OR2B6: variants seen among roughly 807,000 people sequenced by gnomAD.
OR2B6 encodes the protein olfactory receptor 2B6.
For synonymous variants in OR2B6, 130 were observed against 142.7 expected (o/e 0.91, Z 0.63); for missense variants, 350 against 368.9 (o/e 0.95, Z 0.42).
At position 27,958,056 on chromosome 6, in the gene OR2B6, G is replaced by T. The variant is rs369732488; in HGVS notation, c.816G>T (p.Lys272Asn). The change falls in exon 1 of 1, where the codon AAG becomes AAT. Residue 272 changes from lysine (K) to asparagine (N), a missense_variant. Coordinates refer to ENST00000244623, the MANE Select transcript of OR2B6 (RefSeq NM_012367.1). Reference protein sequence around the residue: ...PPSPSSKDQGKMVSLFYGIIA... With the variant: ...PPSPSSKDQGNMVSLFYGIIA... Reference sequence around the variant, plus strand: ...CGCCCAGCTCCAAGGACCAAGGAAAGATGGTTTCTCTCTTCTATGGAATCA... The same window carrying T: ...CGCCCAGCTCCAAGGACCAAGGAAATATGGTTTCTCTCTTCTATGGAATCA... The T allele has an allele frequency of 1.3e-5, 21 of 1,613,912 alleles. No homozygotes were observed. The African/African-American group carries it at 2.1e-4, about 16-fold the overall frequency.
chr6:27,958,015 T>C lies in OR2B6; in HGVS notation c.775T>C (p.Tyr259His), dbSNP rs764427650. ...TTTTTATAGTACAGCCGTCTCTGTG[T>C]ACCTGCAACCACCTTCGCCCAGCTC... ...SLFYSTAVSVYLQPPSPSSKD... is the reference protein window; with the variant it reads ...SLFYSTAVSVHLQPPSPSSKD... Residue 259 changes from tyrosine (Y) to histidine (H), a missense_variant, in exon 1 of 1, where the codon TAC becomes CAC. By Grantham distance (83) the Tyr-to-His change is moderately conservative. Coordinates refer to ENST00000244623, the MANE Select transcript of OR2B6 (RefSeq NM_012367.1). The C allele has an allele frequency of 3.3e-5, 54 of 1,613,924 alleles. No individual in the cohort carries two copies. Among genetic ancestry groups the C allele is most frequent in the Non-Finnish European group, 4.5e-5 (53 of 1,179,962 alleles).
rs776516996 is a variant in OR2B6, at chr6:27,958,106, T to C, written c.866T>C (p.Ile289Thr). The change falls in exon 1 of 1, where the codon ATA becomes ACA. Residue 289 changes from isoleucine (I) to threonine (T), a missense_variant. Coordinates refer to ENST00000244623, the MANE Select transcript of OR2B6 (RefSeq NM_012367.1). ...GIIAPMLNPLIYTLRNKEVKE... is the reference protein window; with the variant it reads ...GIIAPMLNPLTYTLRNKEVKE... ...ATTGCACCCATGCTGAATCCCCTTA[T>C]ATATACACTTAGGAACAAGGAGGTA... 1 of 1,614,028 alleles carries C rather than the reference T, an allele frequency of 6.2e-7. No homozygotes were observed. The highest frequency in any genetic ancestry group is 8.5e-7 in the Non-Finnish European group (1 of 1,179,906).
rs1561770181 is a variant in OR2B6 at position 27,957,994 on chromosome 6, TA to T, written c.755del (p.Tyr252LeufsTer34). The T allele has an allele frequency of 1.2e-6, 2 of 1,613,950 alleles. No homozygotes were observed. Among genetic ancestry groups the T allele is most frequent in the Non-Finnish European group, 1.7e-6 (2 of 1,179,948 alleles). ...CCATCTAATTGTGGTGTCTCTTTTT[TA>T]TAGTACAGCCGTCTCTGTGTACCTG... ...GSHLIVVSLF[Y>X]STAVSVYLQP... On this transcript the variant is annotated frameshift_variant, in exon 1 of 1. Coordinates refer to ENST00000244623, the MANE Select transcript of OR2B6 (RefSeq NM_012367.1). LOFTEE classifies it low-confidence loss of function (END_TRUNC).
Position 27,957,865 on chromosome 6 carries a change from A to C in OR2B6, c.625A>C (p.Ile209Leu). ...CCTTGTCAGTGAGCTCTTCCATCTA[A>C]TACCCCTGACACTCATCCTTATATC... ...LFLVSELFHL[I>L]PLTLILISYA... Residue 209 changes from isoleucine to leucine, a missense_variant, in exon 1 of 1, where the codon ATA becomes CTA. Coordinates refer to ENST00000244623, the MANE Select transcript of OR2B6 (RefSeq NM_012367.1). The C allele has an allele frequency of 1.2e-6, 2 of 1,614,084 alleles. No individual in the cohort carries two copies. The highest frequency in any genetic ancestry group is 1.7e-6 in the Non-Finnish European group (2 of 1,179,992).
In OR2B6 at chr6:27,957,432, C is replaced by A; in HGVS notation, c.192C>A (p.Thr64=). The A allele has an allele frequency of 2.5e-6, 4 of 1,613,986 alleles. No homozygotes were observed. Among genetic ancestry groups the A allele is most frequent in the Non-Finnish European group, 3.4e-6 (4 of 1,179,952 alleles). ...KLHTPMYFFL[T]NLSLLDLCYT... is the part of the protein sequence containing the mutation. ...ATACCCCCATGTATTTTTTTCTTAC[C>A]AATCTATCACTCCTGGATCTTTGTT... is the stretch of plus-strand genomic sequence containing the variant. The change falls in exon 1 of 1, where the codon ACC becomes ACA. Residue 64 remains threonine, a synonymous_variant. Transcript: ENST00000244623.
rs1762770372 is a variant in OR2B6 at position 27,958,080 on chromosome 6, C to T, written c.840C>T (p.Ile280=). The change falls in exon 1 of 1, where the codon ATC becomes ATT. Residue 280 remains isoleucine (I), a synonymous_variant. Transcript: ENST00000244623. ...AGATGGTTTCTCTCTTCTATGGAAT[C>T]ATTGCACCCATGCTGAATCCCCTTA... ...QGKMVSLFYG[I]IAPMLNPLIY... is the part of the protein sequence containing the mutation. 1 of 1,613,910 alleles carries T rather than the reference C, an allele frequency of 6.2e-7. No homozygotes were observed. Among genetic ancestry groups the T allele is most frequent in the African/African-American group, 1.3e-5 (1 of 74,902 alleles).
Position 27,957,565 on chromosome 6 carries a change from G to T in OR2B6, c.325G>T (p.Ala109Ser). The T allele has an allele frequency of 1.2e-6, 2 of 1,614,026 alleles. No homozygotes were observed. Among genetic ancestry groups the T allele is most frequent in the Non-Finnish European group, 1.7e-6 (2 of 1,179,992 alleles). Residue 109 changes from alanine to serine, a missense_variant, in exon 1 of 1, where the codon GCT (alanine) becomes TCT (serine). By Grantham distance (99) the Ala-to-Ser change is moderately conservative. Coordinates refer to ENST00000244623, the MANE Select transcript of OR2B6 (RefSeq NM_012367.1). ...GCTTTTCATATTTCTGGCCTTGGGG[G>T]CTACTGAATATCTTCTCCTGGCCGT... is the stretch of plus-strand genomic sequence containing the variant. ...AQLFIFLALG[A>S]TEYLLLAVMS...
Position 27,957,677 on chromosome 6 carries a change from C to A in OR2B6, c.437C>A (p.Ala146Asp), listed in dbSNP as rs781475192. The A allele has an allele frequency of 2.8e-5, 45 of 1,613,952 alleles. No individual in the cohort carries two copies. The South Asian group carries it at 4.6e-4, about 17-fold the overall frequency. ...CAGAGACTCTGCCTCCAGTTGGCAGCTGCATCCTGGGTTACTGGTTTTAGT... is the reference window on the plus strand; with the variant it reads ...CAGAGACTCTGCCTCCAGTTGGCAGATGCATCCTGGGTTACTGGTTTTAGT... ...MHQRLCLQLA[A>D]ASWVTGFSNS... The change falls in exon 1 of 1, where the codon GCT becomes GAT. Residue 146 changes from alanine (A) to aspartate (D), a missense_variant. Coordinates refer to ENST00000244623, the MANE Select transcript of OR2B6 (RefSeq NM_012367.1).
chr6:27,958,102 C>T lies in OR2B6; in HGVS notation c.862C>T (p.Leu288Phe), dbSNP rs372636186. ...AATCATTGCACCCATGCTGAATCCC[C>T]TTATATATACACTTAGGAACAAGGA... ...YGIIAPMLNP[L>F]IYTLRNKEVK... Residue 288 changes from leucine (L) to phenylalanine (F), a missense_variant, in exon 1 of 1, where the codon CTT becomes TTT. Leu to Phe is a conservative substitution (Grantham distance 22). Transcript: ENST00000244623. The T allele has an allele frequency of 8.1e-6, 13 of 1,613,754 alleles. No individual in the cohort carries two copies. The highest frequency in any genetic ancestry group is 1.0e-5 in the Non-Finnish European group (12 of 1,179,900).
In OR2B6 at chr6:27,958,011, T is replaced by C; in HGVS notation, c.771T>C (p.Ser257=). ...CTCTTTTTTATAGTACAGCCGTCTC[T>C]GTGTACCTGCAACCACCTTCGCCCA... ...VVSLFYSTAV[S]VYLQPPSPSS... Residue 257 remains serine, a synonymous_variant, in exon 1 of 1, where the codon TCT becomes TCC. Transcript: ENST00000244623. The C allele has an allele frequency of 1.2e-6, 2 of 1,614,060 alleles. No individual in the cohort carries two copies.
In OR2B6 at chr6:27,957,404, T is replaced by G. The variant is rs780961784; in HGVS notation, c.164T>G (p.Leu55Arg). 4 of 1,614,116 alleles carry G rather than the reference T, an allele frequency of 2.5e-6. No homozygotes were observed. The highest frequency in any genetic ancestry group is 3.4e-6 in the Non-Finnish European group (4 of 1,180,008). Residue 55 changes from leucine to arginine, a missense_variant, in exon 1 of 1, where the codon CTT (leucine) becomes CGT (arginine). Coordinates refer to ENST00000244623, the MANE Select transcript of OR2B6 (RefSeq NM_012367.1). ...IILVSRLDTK[L>R]HTPMYFFLTN... ...CTAGTGTCACGCCTGGACACCAAACTTCATACCCCCATGTATTTTTTTCTT... is the reference window on the plus strand; with the variant it reads ...CTAGTGTCACGCCTGGACACCAAACGTCATACCCCCATGTATTTTTTTCTT...
chr6:27,957,573 A>T lies in OR2B6; in HGVS notation c.333A>T (p.Glu111Asp). 6.2e-7 allele frequency: 1 copy of T among 1,614,036 alleles called. No individual in the cohort carries two copies. The highest frequency in any genetic ancestry group is 8.5e-7 in the Non-Finnish European group (1 of 1,179,988). The change falls in exon 1 of 1, where the codon GAA becomes GAT. Residue 111 changes from glutamate to aspartate, a missense_variant. By Grantham distance (45) the Glu-to-Asp change is conservative (BLOSUM62 2). Coordinates refer to ENST00000244623, the MANE Select transcript of OR2B6 (RefSeq NM_012367.1). ...LFIFLALGAT[E>D]YLLLAVMSFD... Reference sequence around the variant, plus strand: ...TATTTCTGGCCTTGGGGGCTACTGAATATCTTCTCCTGGCCGTCATGTCCT... The same window carrying T: ...TATTTCTGGCCTTGGGGGCTACTGATTATCTTCTCCTGGCCGTCATGTCCT...
chr6:27,957,500 G>A lies in OR2B6; in HGVS notation c.260G>A (p.Ser87Asn), dbSNP rs759984711. ...CCACAAATGCTAGTAAATTTATGCA[G>A]CATCAGGAAAGTAATCAGTTATCGT... Reference protein sequence around the residue: ...TVPQMLVNLCSIRKVISYRGC... With the variant: ...TVPQMLVNLCNIRKVISYRGC... The change falls in exon 1 of 1, where the codon AGC (serine) becomes AAC (asparagine). Residue 87 changes from serine to asparagine, a missense_variant. Coordinates refer to ENST00000244623, the MANE Select transcript of OR2B6 (RefSeq NM_012367.1). The A allele has an allele frequency of 5.0e-6, 8 of 1,613,956 alleles. No homozygotes were observed. The East Asian group carries it at 6.7e-5, about 13-fold the overall frequency.
At position 27,957,853 on chromosome 6, in the gene OR2B6, C is replaced by G. The variant is rs1561770084; in HGVS notation, c.613C>G (p.Leu205Val). ...GGCTGAACTATTCCTTGTCAGTGAGCTCTTCCATCTAATACCCCTGACACT... is the reference window on the plus strand; with the variant it reads ...GGCTGAACTATTCCTTGTCAGTGAGGTCTTCCATCTAATACCCCTGACACT... ...NEAELFLVSELFHLIPLTLIL... is the reference protein window; with the variant it reads ...NEAELFLVSEVFHLIPLTLIL... Residue 205 changes from leucine (L) to valine (V), a missense_variant, in exon 1 of 1, where the codon CTC becomes GTC. Leu to Val is a conservative substitution (Grantham distance 32, BLOSUM62 1). Coordinates refer to ENST00000244623, the MANE Select transcript of OR2B6 (RefSeq NM_012367.1). 1.2e-6 allele frequency: 2 copies of G among 1,614,068 alleles called. No individual in the cohort carries two copies. The highest frequency in any genetic ancestry group is 3.3e-5 in the Admixed American group (2 of 60,006).
chr6:27,958,083 T>C lies in OR2B6; in HGVS notation c.843T>C (p.Ile281=). The C allele has an allele frequency of 1.9e-6, 3 of 1,614,042 alleles. No homozygotes were observed. Among genetic ancestry groups the C allele is most frequent in the Non-Finnish European group, 2.5e-6 (3 of 1,179,960 alleles). The change falls in exon 1 of 1, where the codon ATT becomes ATC. Residue 281 remains isoleucine (I), a synonymous_variant. Coordinates refer to ENST00000244623, the MANE Select transcript of OR2B6 (RefSeq NM_012367.1). ...TGGTTTCTCTCTTCTATGGAATCAT[T>C]GCACCCATGCTGAATCCCCTTATAT... ...GKMVSLFYGI[I]APMLNPLIYT...
rs777476263 is a variant in OR2B6 at position 27,957,563 on chromosome 6, G to A, written c.323G>A (p.Gly108Glu). 2 of 1,613,978 alleles carry A rather than the reference G, an allele frequency of 1.2e-6. No individual in the cohort carries two copies. Among genetic ancestry groups the A allele is most frequent in the East Asian group, 2.2e-5 (1 of 44,888 alleles). Reference protein sequence around the residue: ...VAQLFIFLALGATEYLLLAVM... With the variant: ...VAQLFIFLALEATEYLLLAVM... The stretch of plus-strand genomic sequence containing the variant: ...CAGCTTTTCATATTTCTGGCCTTGG[G>A]GGCTACTGAATATCTTCTCCTGGCC... Residue 108 changes from glycine (G) to glutamate (E), a missense_variant, in exon 1 of 1, where the codon GGG becomes GAG. Physicochemically the swap from Gly to Glu is moderately conservative, Grantham distance 98. Transcript: ENST00000244623.
In OR2B6 at chr6:27,957,428, T is replaced by C. The variant is rs754907581; in HGVS notation, c.188T>C (p.Leu63Pro). The change falls in exon 1 of 1, where the codon CTT becomes CCT. Residue 63 changes from leucine to proline, a missense_variant. Coordinates refer to ENST00000244623, the MANE Select transcript of OR2B6 (RefSeq NM_012367.1). ...CTTCATACCCCCATGTATTTTTTTC[T>C]TACCAATCTATCACTCCTGGATCTT... ...TKLHTPMYFF[L>P]TNLSLLDLCY... 4.3e-6 allele frequency: 7 copies of C among 1,613,960 alleles called. No individual in the cohort carries two copies. In the African/African-American group the frequency reaches 9.3e-5, roughly 22 times the overall value.
chr6:27,957,978 T>C lies in OR2B6; in HGVS notation c.738T>C (p.Ile246=), dbSNP rs1490879849. ...TTGGGACATGTGGTTCCCATCTAAT[T>C]GTGGTGTCTCTTTTTTATAGTACAG... ...KAFGTCGSHL[I]VVSLFYSTAV... The change falls in exon 1 of 1, where the codon ATT becomes ATC. Residue 246 remains isoleucine (I), a synonymous_variant. Coordinates refer to ENST00000244623, the MANE Select transcript of OR2B6 (RefSeq NM_012367.1). 1.9e-6 allele frequency: 3 copies of C among 1,613,518 alleles called. No homozygotes were observed. The highest frequency in any genetic ancestry group is 2.5e-6 in the Non-Finnish European group (3 of 1,179,722).
rs755197172 is a variant in OR2B6 at position 27,957,966 on chromosome 6, TTCCC to T, written c.727_730del (p.Ser243IlefsTer2). 156 of 1,613,906 alleles carry T rather than the reference TTCCC, an allele frequency of 9.7e-5. No individual in the cohort carries two copies. The highest frequency in any genetic ancestry group is 9.5e-5 in the Non-Finnish European group (112 of 1,179,968). On this transcript the variant is annotated frameshift_variant, in exon 1 of 1. Transcript: ENST00000244623. LOFTEE classifies it low-confidence loss of function (END_TRUNC). ...GACAAAAAGCATTTGGGACATGTGG[TTCCC>T]ATCTAATTGTGGTGTCTCTTTTTTA...
Sources: allele counts gnomAD v4.1 joint callset, GRCh38; gene constraint gnomAD v4.1.1; transcripts MANE v1.5; gene names NCBI Gene and HGNC (gene_info 2026-07-23, HGNC 2026-07-21).